BMP6: variants seen among roughly 807,000 people sequenced by gnomAD.
BMP6 encodes bone morphogenetic protein 6.
In BMP6, 17 loss-of-function variants were observed where a neutral mutation model predicts 54.1. The observed-to-expected ratio is 0.31, with a 90% CI of 0.22 to 0.47. The LOEUF (loss-of-function observed/expected upper bound fraction) is 0.47. Ranked by LOEUF, BMP6 falls within the 20% of genes least tolerant of loss-of-function variation. The probability of loss-of-function intolerance (pLI) is 1.00; values close to 1 mark genes in which losing one functional copy is unlikely to be tolerated. For missense variants in BMP6, 720 were observed against 690.4 expected (o/e 1.04, Z -0.48); for synonymous variants, 328 against 291.2 (o/e 1.13, Z -1.28).
At chr6:7,830,261 A>C (rs1192963763) in intron 1 of BMP6, among the ~76,000 whole-genome samples, 1 of 151,778 alleles carries the variant, frequency 6.6e-6, no homozygotes, top group Non-Finnish European at 1.5e-5. Flanking sequence ...TCAGTCTACA[A>C]CCTCTGTCTA....
intron 1 of BMP6, among the ~76,000 whole-genome samples, chr6:7,821,875 C>G (rs1327428311): frequency 6.6e-6 from 1 of 152,176 alleles, no homozygotes; most frequent in African/African-American, 2.4e-5. Context: ...TACAGAGGGA[C>G]TTTGGCTGTT....
At chr6:7,854,435 C>T (rs78119491) in intron 2 of BMP6, among the ~76,000 whole-genome samples, 4,278 of 151,610 alleles carry the variant, frequency 0.028, 95 homozygotes, top group South Asian at 0.07. Flanking sequence ...CCACCTTGGA[C>T]GGGAATGTGG....
chr6:7,874,832 A>G (rs902993086), intron 4 of BMP6, among the ~76,000 whole-genome samples: 3 of 152,046 alleles, frequency 2.0e-5, no homozygotes, highest in Non-Finnish European at 4.4e-5. Context: ...GCCACCCTGT[A>G]CTCTCTATGC....
At chr6:7,869,600 G>C (rs1759487426) in intron 4 of BMP6, among the ~76,000 whole-genome samples, 1 of 152,182 alleles carries the variant, frequency 6.6e-6, no homozygotes, top group Non-Finnish European at 1.5e-5. Context: ...TTTTCAGTTT[G>C]CCTTGGGACG....
chr6:7,747,824 T>C (rs1405781045), intron 1 of BMP6, among the ~76,000 whole-genome samples: 1 of 151,816 alleles, frequency 6.6e-6, no homozygotes, highest in Non-Finnish European at 1.5e-5. Flanking sequence ...TTTTTTTTTT[T>C]TTGTAGAGAT....
In BMP6 at chr6:7,862,439, A is replaced by G; in HGVS notation, c.1145A>G (p.Gln382Arg). 6.2e-7 allele frequency: 1 copy of G among 1,614,222 alleles called. No homozygotes were observed. Among genetic ancestry groups the G allele is most frequent in the Admixed American group, 1.7e-5 (1 of 60,020 alleles). ...AGGTCAGCCTCCAGCCGGCGCCGACAACAGAGTCGTAATCGCTCTACCCAG... is the reference window on the plus strand; with the variant it reads ...AGGTCAGCCTCCAGCCGGCGCCGACGACAGAGTCGTAATCGCTCTACCCAG... ...TTRSASSRRR[Q>R]QSRNRSTQSQ... The change falls in exon 4 of 7, where the codon CAA becomes CGA. Residue 382 changes from glutamine to arginine, a missense_variant. Physicochemically the swap from Gln to Arg is conservative, Grantham distance 43 (BLOSUM62 1). Around this residue, in one of 3 missense-constraint regions of BMP6, gnomAD observed 650 missense variants for 556.3 expected, o/e 1.17. Coordinates refer to ENST00000283147, the MANE Select transcript of BMP6 (RefSeq NM_001718.6).
intron 4 of BMP6, among the ~76,000 whole-genome samples, chr6:7,875,902 C>G (rs1444891348): frequency 6.6e-6 from 1 of 152,198 alleles, no homozygotes; most frequent in African/African-American, 2.4e-5. Flanking sequence ...GTGGTCATCA[C>G]CCTAGACACT....
chr6:7,769,088 G>A (rs138815024), intron 1 of BMP6, among the ~76,000 whole-genome samples: 6 of 152,314 alleles, frequency 3.9e-5, no homozygotes, highest in African/African-American at 1.4e-4. Flanking sequence ...AGTATGTGAC[G>A]TGTTAATATG....
intron 4 of BMP6, among the ~76,000 whole-genome samples, chr6:7,865,862 A>G (rs1156493490): frequency 1.3e-5 from 2 of 152,214 alleles, no homozygotes; most frequent in African/African-American, 4.8e-5. Context: ...CCCACCAGGG[A>G]TCGTCCTACA....
chr6:7,848,603 G>C (rs1366859968), intron 2 of BMP6, among the ~76,000 whole-genome samples: 1 of 152,198 alleles, frequency 6.6e-6, no homozygotes, highest in East Asian at 1.9e-4. Context: ...TGTCGTACTA[G>C]TTGGCTGGTC....
At chr6:7,784,982 C>CA (rs1758001062) in intron 1 of BMP6, among the ~76,000 whole-genome samples, 1 of 152,198 alleles carries the variant, frequency 6.6e-6, no homozygotes, top group African/African-American at 2.4e-5. Flanking sequence ...TCCCATTTGG[C>CA]AAGGGGTAAC....
intron 1 of BMP6, among the ~76,000 whole-genome samples, chr6:7,843,406 C>G (rs1419813742): frequency 6.6e-6 from 1 of 150,380 alleles, no homozygotes; most frequent in African/African-American, 2.4e-5. Context: ...TTAGATTCTT[C>G]TGGGGAGTTA....
chr6:7,779,864 A>C (rs974338833), intron 1 of BMP6, among the ~76,000 whole-genome samples: 2 of 152,160 alleles, frequency 1.3e-5, no homozygotes, highest in African/African-American at 4.8e-5. Context: ...GATGAGAAAC[A>C]GCCTTTTCCT....
At chr6:7,731,673 AG>A (rs1303570779) in intron 1 of BMP6, among the ~76,000 whole-genome samples, 2 of 152,226 alleles carry the variant, frequency 1.3e-5, no homozygotes, top group African/African-American at 4.8e-5. Flanking sequence ...TTGATTATTT[AG>A]AAAGGGTATA....
chr6:7,795,666 G>A (rs893335497), intron 1 of BMP6, among the ~76,000 whole-genome samples: 1 of 152,130 alleles, frequency 6.6e-6, no homozygotes, highest in African/African-American at 2.4e-5. Flanking sequence ...ACTTGGAGAA[G>A]GAGGGCCATC....
chr6:7,825,221 G>A (rs66603017), intron 1 of BMP6, among the ~76,000 whole-genome samples: 16,987 of 128,706 alleles, frequency 0.13, 1,077 homozygotes, highest in African/African-American at 0.2. Flanking sequence ...TCAAGCTTAC[G>A]TGAGCTGTAA....
Position 7,875,923 on chromosome 6 carries a change from CT to C in BMP6, c.1205-3150del, listed in dbSNP as rs1561799226. On this transcript the variant is annotated intron_variant, in intron 4 of 6. Transcript: ENST00000283147. ...ATCACCCTAGACACTGGCTGCCGTACTACCCATTCTTGATGTCACCTTTGAG... is the reference window on the plus strand; with the variant it reads ...ATCACCCTAGACACTGGCTGCCGTACACCCATTCTTGATGTCACCTTTGAG... Among the ~76,000 whole-genome samples the C allele has an allele frequency of 3.9e-5, 6 of 152,314 alleles. No individual in the cohort carries two copies. In the South Asian group the frequency reaches 1.2e-3, roughly 32 times the overall value.
intron 1 of BMP6, among the ~76,000 whole-genome samples, chr6:7,804,758 TTAG>T (rs769357148): frequency 5.9e-5 from 9 of 152,208 alleles, no homozygotes. Flanking sequence ...GGAGAGTTTG[TTAG>T]TAGATTATTT....
chr6:7,777,656 AC>A (rs1475007786), intron 1 of BMP6, among the ~76,000 whole-genome samples: 2 of 149,316 alleles, frequency 1.3e-5, no homozygotes, highest in Non-Finnish European at 3.0e-5. Context: ...CCAAATGAAG[AC>A]CTCTATCTTT....
Sources: gnomAD v4.1 joint callset for allele counts (sites outside exome capture counted in the v4.1 genomes callset) on GRCh38, gnomAD v4.1.1 for gene constraint, gnomAD v4.1.1 regional missense constraint, MANE v1.5 for transcripts, NCBI Gene and HGNC (gene_info 2026-07-23, HGNC 2026-07-21) for gene names.